CCDC50: variants seen among roughly 807,000 people sequenced by gnomAD.
The protein encoded by CCDC50 is coiled-coil domain-containing protein 50.
Under a neutral mutation model 70.2 loss-of-function variants are expected in CCDC50, and 54 were observed. The observed-to-expected ratio is 0.77, with a 90% CI of 0.62 to 0.96. The LOEUF (loss-of-function observed/expected upper bound fraction) is 0.96, where lower values mean the gene tolerates loss of function less well. CCDC50 is among the 50% of genes least tolerant of loss of function. The pLI is 0.00. For synonymous variants in CCDC50, 216 were observed against 198.8 expected, an observed-to-expected ratio of 1.09 and a Z score of -0.73; for missense variants, 558 against 578.7, an observed-to-expected ratio of 0.96 and a Z score of 0.37.
chr3:191,333,496 C>G (rs141827882), intron 1 of CCDC50, among the ~76,000 whole-genome samples: 2 of 152,142 alleles, frequency 1.3e-5, no homozygotes, highest in Non-Finnish European at 2.9e-5. Context: ...TCTGGCTACA[C>G]GGCAAACCCA....
chr3:191,384,568 G>C (rs1045165448), intron 10 of CCDC50, among the ~76,000 whole-genome samples: 2 of 152,150 alleles, frequency 1.3e-5, no homozygotes, highest in Non-Finnish European at 2.9e-5. Flanking sequence ...TTCTTATGTA[G>C]AGCTTGTAAT....
rs755683630 is a variant in CCDC50 at position 191,380,154 on chromosome 3, T to A, written c.977-5T>A. 45 of 1,460,086 alleles carry A rather than the reference T, an allele frequency of 3.1e-5. No homozygotes were observed. Among genetic ancestry groups the A allele is most frequent in the African/African-American group, 1.3e-4 (9 of 69,556 alleles). 90.4% of individuals were successfully genotyped at this position (1,460,086 alleles called of 1,614,324 possible). ...ATTACATTGAGTTTTTTTTTTTTTT[T>A]AAAGGAATGAAGCCAAGAGTGATGA... is the stretch of plus-strand genomic sequence containing the variant. On this transcript the variant is annotated splice_polypyrimidine_tract_variant and splice_region_variant and intron_variant, in intron 6 of 11. Coordinates refer to ENST00000392455, the MANE Select transcript of CCDC50 (RefSeq NM_178335.3).
intron 6 of CCDC50, among the ~76,000 whole-genome samples, chr3:191,377,433 A>G (rs982411257): frequency 6.6e-6 from 1 of 152,168 alleles, no homozygotes; most frequent in African/African-American, 2.4e-5. Flanking sequence ...ATAAAATTTT[A>G]AATTAAGTAT....
In CCDC50 at chr3:191,375,537, C is replaced by G. The variant is rs1216955763; in HGVS notation, c.924C>G (p.Pro308=). The change falls in exon 6 of 12, where the codon CCC becomes CCG. Residue 308 remains proline (P), a synonymous_variant. Transcript: ENST00000392455. The part of the protein sequence containing the change: ...QGEHRKRRHR[P]RTPPFSESEE... ...AGCACAGAAAAAGGAGACACAGGCC[C>G]AGGACTCCTCCATTCTCAGAGAGTG... is the stretch of plus-strand genomic sequence containing the variant. 1.2e-6 allele frequency: 2 copies of G among 1,613,402 alleles called. No individual in the cohort carries two copies. The highest frequency in any genetic ancestry group is 1.7e-6 in the Non-Finnish European group (2 of 1,179,730).
In CCDC50 at chr3:191,361,070, GAAC is replaced by G; in HGVS notation, c.247_249del (p.Gln83del). 13 of 1,611,988 alleles carry G rather than the reference GAAC, an allele frequency of 8.1e-6. No homozygotes were observed. Among genetic ancestry groups the G allele is most frequent in the Non-Finnish European group, 1.0e-5 (12 of 1,178,396 alleles). On this transcript the variant is annotated inframe_deletion and splice_region_variant, in exon 4 of 12. Coordinates refer to ENST00000392455, the MANE Select transcript of CCDC50 (RefSeq NM_178335.3). ...CATGTTTTCACCTTTGCTTTTTAGT[GAAC>G]AACAAGACTGTGAAATTGCTCAGGA...
chr3:191,381,848 C>A (rs890535314), intron 9 of CCDC50, among the ~76,000 whole-genome samples: 2 of 152,062 alleles, frequency 1.3e-5, no homozygotes, highest in African/African-American at 4.8e-5. Context: ...GGTTTCTGGT[C>A]CCACCTCACA....
At chr3:191,381,291 G>A (rs148234127) in intron 9 of CCDC50, among the ~76,000 whole-genome samples, 11 of 152,102 alleles carry the variant, frequency 7.2e-5, no homozygotes, top group African/African-American at 2.2e-4. Flanking sequence ...TTCTCTTCCC[G>A]TCTCTACTTT....
chr3:191,330,216 C>T (rs1019027936), intron 1 of CCDC50, among the ~76,000 whole-genome samples: 1 of 152,102 alleles, frequency 6.6e-6, no homozygotes, highest in Non-Finnish European at 1.5e-5. Flanking sequence ...ACTTTCCCAC[C>T]TTCCTCAAGG....
rs1046513978 is a variant in CCDC50, at chr3:191,394,870, A to G, written c.*3110A>G. 1 of 152,180 alleles carries G rather than the reference A, an allele frequency of 6.6e-6. No homozygotes were observed. Among genetic ancestry groups the G allele is most frequent in the South Asian group, 2.1e-4 (1 of 4,834 alleles). 9.4% of individuals were successfully genotyped at this position (152,180 alleles called of 1,614,324 possible). On this transcript the variant is annotated 3_prime_UTR_variant, in exon 12 of 12. Transcript: ENST00000392455. ...TTTTGGGACTAGACAGTTGCTTTACATGTATTTAAGGGAACATTGTGATTT... is the reference window on the plus strand; with the variant it reads ...TTTTGGGACTAGACAGTTGCTTTACGTGTATTTAAGGGAACATTGTGATTT...
At position 191,394,202 on chromosome 3, in the gene CCDC50, A is replaced by G. The variant is rs899467905; in HGVS notation, c.*2442A>G. 1 of 152,156 alleles carries G rather than the reference A, an allele frequency of 6.6e-6. No individual in the cohort carries two copies. Among genetic ancestry groups the G allele is most frequent in the Admixed American group, 6.5e-5 (1 of 15,276 alleles). The allele number at this position is 152,156 out of a possible 1,614,324, so 9.4% of individuals were successfully genotyped here. A position where few individuals can be genotyped will look rare whatever the true frequency, so the allele number is the denominator to read the frequency against. ...TTGTTACTTTTTTTAAAGGTTTTTAAAAGATTACAATTTTAAAATATTTTA... is the reference window on the plus strand; with the variant it reads ...TTGTTACTTTTTTTAAAGGTTTTTAGAAGATTACAATTTTAAAATATTTTA... On this transcript the variant is annotated 3_prime_UTR_variant, in exon 12 of 12. Coordinates refer to ENST00000392455, the MANE Select transcript of CCDC50 (RefSeq NM_178335.3).
Position 191,362,605 on chromosome 3 carries a change from G to A in CCDC50, c.330+1446G>A, listed in dbSNP as rs369609474. ...TTGTTAAGCACCCAGAAACACTTTC[G>A]AGGGTTATAAGCATGGTGTTAATTA... On this transcript the variant is annotated intron_variant, in intron 4 of 11. Coordinates refer to ENST00000392455, the MANE Select transcript of CCDC50 (RefSeq NM_178335.3). Among the ~76,000 whole-genome samples, 7 of 152,170 alleles carry A rather than the reference G, an allele frequency of 4.6e-5. No individual in the cohort carries two copies. In the South Asian group the frequency reaches 6.2e-4, roughly 13 times the overall value.
chr3:191,392,817 A>G lies in CCDC50; in HGVS notation c.*1057A>G, dbSNP rs1292360913. 1 of 152,234 alleles carries G rather than the reference A, an allele frequency of 6.6e-6. No individual in the cohort carries two copies. Among genetic ancestry groups the G allele is most frequent in the African/African-American group, 2.4e-5 (1 of 41,424 alleles). 9.4% of individuals were successfully genotyped at this position (152,234 alleles called of 1,614,324 possible). ...CAGTGGTGCAATCTTGGCTCACTGC[A>G]ACCTCCGCCACCTGGGCTGGAGCAA... is the stretch of plus-strand genomic sequence containing the variant. On this transcript the variant is annotated 3_prime_UTR_variant, in exon 12 of 12. Coordinates refer to ENST00000392455, the MANE Select transcript of CCDC50 (RefSeq NM_178335.3).
Position 191,375,046 on chromosome 3 carries a change from C to T in CCDC50, c.449-16C>T. 6.2e-7 allele frequency: 1 copy of T among 1,612,752 alleles called. No homozygotes were observed. Among genetic ancestry groups the T allele is most frequent in the Non-Finnish European group, 8.5e-7 (1 of 1,179,376 alleles). On this transcript the variant is annotated splice_polypyrimidine_tract_variant and intron_variant, in intron 5 of 11. Coordinates refer to ENST00000392455, the MANE Select transcript of CCDC50 (RefSeq NM_178335.3). ...ATCTGCATTTTTATTTTTCACATCC[C>T]TCTGCCTCCACTCAGACCAACCAGG...
chr3:191,342,311 CTAAAG>C (rs1316582839), intron 1 of CCDC50, among the ~76,000 whole-genome samples: 1 of 152,062 alleles, frequency 6.6e-6, no homozygotes, highest in Non-Finnish European at 1.5e-5. Flanking sequence ...ATGACTCTAT[CTAAAG>C]TAAAGTTGTT....
At chr3:191,341,090 G>A (rs2108635354) in intron 1 of CCDC50, among the ~76,000 whole-genome samples, 1 of 152,086 alleles carries the variant, frequency 6.6e-6, no homozygotes, top group East Asian at 1.9e-4. Context: ...CCTGCACTGG[G>A]ATCATTTCTG....
chr3:191,361,016 G>T, intron 3 of CCDC50, 53 bp from the exon 4 acceptor site: 1 of 1,201,874 alleles, frequency 8.3e-7, no homozygotes, highest in Non-Finnish European at 1.2e-6. Context: ...TTACTTTTAG[G>T]AAATACATTA....
At chr3:191,349,042 G>A (rs1253641545) in intron 1 of CCDC50, among the ~76,000 whole-genome samples, 1 of 141,750 alleles carries the variant, frequency 7.1e-6, no homozygotes, top group Non-Finnish European at 1.6e-5. Flanking sequence ...CGTGTCTGCT[G>A]TCTATAGCCA....
intron 10 of CCDC50, among the ~76,000 whole-genome samples, chr3:191,388,259 A>C (rs767133235): frequency 6.6e-6 from 1 of 152,110 alleles, no homozygotes; most frequent in Admixed American, 6.6e-5. Flanking sequence ...ACATATATAC[A>C]TATAGTCTTT....
intron 4 of CCDC50, among the ~76,000 whole-genome samples, chr3:191,368,749 A>G (rs1037721601): frequency 6.6e-6 from 1 of 152,136 alleles, no homozygotes; most frequent in Non-Finnish European, 1.5e-5. Flanking sequence ...TCAAATTACC[A>G]ATGATTGTTA....
Sources: gnomAD v4.1 joint callset for allele counts (sites outside exome capture counted in the v4.1 genomes callset) on GRCh38, gnomAD v4.1.1 for gene constraint, MANE v1.5 for transcripts, NCBI Gene and HGNC (gene_info 2026-07-23, HGNC 2026-07-21) for gene names.